The following AGBL4 variants were observed in gnomAD, a reference collection of about 807,000 sequenced individuals.
AGBL4 encodes cytosolic carboxypeptidase 6.
A neutral mutation model predicts 66.4 loss-of-function variants in AGBL4; 58 were observed. That is an observed-to-expected ratio of 0.87 (90% CI 0.71 to 1.09). The LOEUF is 1.09. AGBL4 is among the 50% of genes least tolerant of loss of function. The pLI, the probability that AGBL4 is intolerant of heterozygous loss-of-function variation, is 0.00. For synonymous variants in AGBL4, 234 were observed against 222.9 expected, an observed-to-expected ratio of 1.05 and a Z score of -0.44; for missense variants, 579 against 631.0, an observed-to-expected ratio of 0.92 and a Z score of 0.88.
intron 3 of AGBL4, among the ~76,000 whole-genome samples, chr1:49,444,837 T>C (rs1646116809): frequency 6.6e-6 from 1 of 152,074 alleles, no homozygotes; most frequent in African/African-American, 2.4e-5. Flanking sequence ...TTTTATATAT[T>C]CTTTGTTCCT....
chr1:49,680,049 C>CTTTT (rs61150148), intron 3 of AGBL4, among the ~76,000 whole-genome samples: 22 of 118,090 alleles, frequency 1.9e-4, no homozygotes, highest in African/African-American at 4.1e-4. Context: ...TTCTTCTTCC[C>CTTTT]TTTTTTTTTT....
intron 1 of AGBL4, among the ~76,000 whole-genome samples, chr1:49,871,870 T>C (rs1181484163): frequency 6.6e-6 from 1 of 152,082 alleles, no homozygotes; most frequent in Non-Finnish European, 1.5e-5. Flanking sequence ...CATCCATAAT[T>C]GTTTTACTTT....
At chr1:49,706,679 C>A (rs1647236653) in intron 2 of AGBL4, among the ~76,000 whole-genome samples, 1 of 152,128 alleles carries the variant, frequency 6.6e-6, no homozygotes, top group African/African-American at 2.4e-5. Context: ...CTCATGAGGG[C>A]ATTTAGTGCT....
intron 3 of AGBL4, among the ~76,000 whole-genome samples, chr1:49,474,677 A>T (rs1446048316): frequency 6.6e-6 from 1 of 152,024 alleles, no homozygotes; most frequent in Admixed American, 6.6e-5. Context: ...ATTTAAAAAA[A>T]TAGCTCTAGG....
chr1:48,535,209 C>T (rs1317178813), intron 12 of AGBL4, among the ~76,000 whole-genome samples: 1 of 152,000 alleles, frequency 6.6e-6, no homozygotes, highest in Non-Finnish European at 1.5e-5. Context: ...AAGCCATCAA[C>T]CAAAGATGGG....
At chr1:49,100,406 C>G (rs187460865) in intron 4 of AGBL4, among the ~76,000 whole-genome samples, 1 of 152,334 alleles carries the variant, frequency 6.6e-6, no homozygotes, top group East Asian at 1.9e-4. Context: ...TGAAGGCTGT[C>G]TGCCGAGTAC....
At chr1:49,895,399 G>C (rs1649093242) in intron 1 of AGBL4, among the ~76,000 whole-genome samples, 1 of 151,940 alleles carries the variant, frequency 6.6e-6, no homozygotes, top group Non-Finnish European at 1.5e-5. Flanking sequence ...CAGGAAAACA[G>C]AATGTTATAA....
rs578006322 is a variant in AGBL4 at position 49,281,499 on chromosome 1, G to A, written c.283-35635C>T. On this transcript the variant is annotated intron_variant, in intron 3 of 13. Coordinates refer to ENST00000371839, the MANE Select transcript of AGBL4 (RefSeq NM_032785.4). ...CTTTCCTGTCTGTTTGCTCAGACAT[G>A]CAGAAGGAGAAGGAAGGATAGGGCT... Among the ~76,000 whole-genome samples the A allele has an allele frequency of 7.1e-4, 108 of 152,312 alleles. 3 individuals carry two copies. The South Asian group carries it at 0.014, about 20-fold the overall frequency.
At chr1:50,012,821 T>C (rs1361663521) in intron 1 of AGBL4, among the ~76,000 whole-genome samples, 5 of 152,196 alleles carry the variant, frequency 3.3e-5, no homozygotes, top group South Asian at 2.1e-4. Flanking sequence ...AAGAAAATTA[T>C]ACTTTTTCAG....
At chr1:48,871,631 C>G (rs1391849691) in intron 5 of AGBL4, among the ~76,000 whole-genome samples, 1 of 151,970 alleles carries the variant, frequency 6.6e-6, no homozygotes, top group Middle Eastern at 3.2e-3. Flanking sequence ...CAGAGGAAAC[C>G]AATTTCTTTG....
chr1:49,332,223 G>A (rs1645349335), intron 3 of AGBL4, among the ~76,000 whole-genome samples: 1 of 152,166 alleles, frequency 6.6e-6, no homozygotes, highest in African/African-American at 2.4e-5. Context: ...TAACATTTCT[G>A]AGGTGACAAT....
intron 5 of AGBL4, among the ~76,000 whole-genome samples, chr1:48,961,639 G>C (rs1657990286): frequency 6.6e-6 from 1 of 152,166 alleles, no homozygotes; most frequent in African/African-American, 2.4e-5. Context: ...GTGCAGTGCT[G>C]CCATCAGCAA....
chr1:49,048,261 G>C (rs962448986), intron 4 of AGBL4: 4 of 152,074 alleles, frequency 2.6e-5, no homozygotes, highest in African/African-American at 9.7e-5. Context: ...TATCCAACCA[G>C]GGTATATGCT....
At chr1:48,946,504 T>C (rs1223493136) in intron 5 of AGBL4, among the ~76,000 whole-genome samples, 1 of 152,142 alleles carries the variant, frequency 6.6e-6, no homozygotes, top group African/African-American at 2.4e-5. Flanking sequence ...CTTAAGCAAT[T>C]TGTTTTAGCC....
intron 1 of AGBL4, among the ~76,000 whole-genome samples, chr1:49,998,160 T>A (rs1181616177): frequency 6.6e-6 from 1 of 151,664 alleles, no homozygotes. Flanking sequence ...AGCAGATTCT[T>A]TGAAAATATA....
chr1:48,598,405 T>C (rs1326664012), intron 9 of AGBL4, among the ~76,000 whole-genome samples: 1 of 152,132 alleles, frequency 6.6e-6, no homozygotes, highest in Non-Finnish European at 1.5e-5. Flanking sequence ...TGCTATAGCC[T>C]ACTACACACC....
chr1:49,439,193 G>A (rs998389058), intron 3 of AGBL4, among the ~76,000 whole-genome samples: 4 of 152,102 alleles, frequency 2.6e-5, no homozygotes, highest in Non-Finnish European at 4.4e-5. Context: ...GGAGATGAAC[G>A]TAAAAGAAAG....
At chr1:49,503,719 T>C (rs1445972860) in intron 3 of AGBL4, among the ~76,000 whole-genome samples, 1 of 152,184 alleles carries the variant, frequency 6.6e-6, no homozygotes. Context: ...TGGACTTGCA[T>C]GGGGCCTATG....
At chr1:48,608,312 A>G (rs1308992537) in intron 9 of AGBL4, among the ~76,000 whole-genome samples, 5 of 152,210 alleles carry the variant, frequency 3.3e-5, no homozygotes, top group Non-Finnish European at 2.9e-5. Context: ...AAAGGTGAAG[A>G]AGGTAATAAA....
Sources: allele counts gnomAD v4.1 joint callset (sites outside exome capture counted in the v4.1 genomes callset), GRCh38; gene constraint gnomAD v4.1.1; transcripts MANE v1.5; gene names NCBI Gene and HGNC (gene_info 2026-07-23, HGNC 2026-07-21).